ZNF420: variants seen among roughly 807,000 people sequenced by gnomAD.
ZNF420 encodes the protein ATM and p53-associated KZNF protein.
A neutral mutation model predicts 44.7 loss-of-function variants in ZNF420; 31 were observed. That is an observed-to-expected ratio of 0.69 (90% CI 0.52 to 0.94). ZNF420 has a LOEUF of 0.94. ZNF420 is among the 40% of genes least tolerant of loss of function. The probability of loss-of-function intolerance (pLI) is 0.00; values close to 1 mark genes in which losing one functional copy is unlikely to be tolerated. For missense variants in ZNF420, 681 were observed against 827.9 expected (o/e 0.82, Z 2.18); for synonymous variants, 245 against 267.4 (o/e 0.92, Z 0.82).
intron 1 of ZNF420, among the ~76,000 whole-genome samples, chr19:37,059,395 C>T (rs1568433098): frequency 2.0e-5 from 3 of 152,252 alleles, no homozygotes; most frequent in Non-Finnish European, 1.5e-5. Context: ...CGAGCGGATT[C>T]TCACCGTTGT....
intron 1 of ZNF420, among the ~76,000 whole-genome samples, chr19:37,042,634 CAG>C (rs2146412607): frequency 6.6e-6 from 1 of 152,288 alleles, no homozygotes; most frequent in East Asian, 1.9e-4. Flanking sequence ...ATTGTGTGCC[CAG>C]AGGGCATGGA....
At position 37,033,062 on chromosome 19, in the gene ZNF420, C is replaced by T. The variant is rs577787991; in HGVS notation, c.-125+24980C>T. 2.2e-4 allele frequency among the ~76,000 whole-genome samples: 33 copies of T among 152,232 alleles called. 1 individual carries two copies. The highest frequency in any genetic ancestry group is 2.0e-3 in the Admixed American group (31 of 15,302). On this transcript the variant is annotated intron_variant, in intron 1 of 4. Coordinates refer to the ZNF420 transcript ENST00000587029. ...GGTAGAAAGATCAGAGCAGAAGTAG[C>T]ACTTTTGGCACATAGTTATTGGGAT... is the stretch of plus-strand genomic sequence containing the variant.
At chr19:37,107,699 A>G (rs1179297639) in intron 4 of ZNF420, 1 of 152,370 alleles carries the variant, frequency 6.6e-6, no homozygotes, top group Non-Finnish European at 1.5e-5. Context: ...CTGCAGACTA[A>G]CAACAGACAG....
At chr19:37,043,835 G>T (rs573441304) in intron 1 of ZNF420, among the ~76,000 whole-genome samples, 1 of 152,272 alleles carries the variant, frequency 6.6e-6, no homozygotes. Flanking sequence ...ACTGTGGCTT[G>T]TTGGTGGGAG....
chr19:37,060,030 G>A (rs917044304), intron 1 of ZNF420, among the ~76,000 whole-genome samples: 1 of 152,012 alleles, frequency 6.6e-6, no homozygotes, highest in African/African-American at 2.4e-5. Flanking sequence ...CGTCTGCCTG[G>A]GTCACGTGGC....
At chr19:37,098,549 AGTTTT>A (rs1177804922) in intron 4 of ZNF420, among the ~76,000 whole-genome samples, 4 of 152,140 alleles carry the variant, frequency 2.6e-5, no homozygotes, top group African/African-American at 7.2e-5. Context: ...CACTTTTAAA[AGTTTT>A]GTTTTATTTT....
chr19:37,060,304 C>G (rs936141969), intron 1 of ZNF420, among the ~76,000 whole-genome samples: 4 of 152,158 alleles, frequency 2.6e-5, no homozygotes, highest in Non-Finnish European at 5.9e-5. Flanking sequence ...CACCACGATA[C>G]AATCTTAAAG....
intron 4 of ZNF420, among the ~76,000 whole-genome samples, chr19:37,111,996 G>A (rs1049871675): frequency 1.3e-5 from 2 of 151,964 alleles, no homozygotes; most frequent in East Asian, 1.9e-4. Flanking sequence ...ATTCCAAGGC[G>A]AGAATGAAGG....
chr19:37,095,806 C>T (rs1969419442), intron 4 of ZNF420, among the ~76,000 whole-genome samples: 1 of 152,094 alleles, frequency 6.6e-6, no homozygotes, highest in Non-Finnish European at 1.5e-5. Flanking sequence ...GCCATGTTGG[C>T]CAGGCTGGTC....
chr19:37,014,940 T>C lies in ZNF420; in HGVS notation c.-125+6858T>C, dbSNP rs1254732227. On this transcript the variant is annotated intron_variant, in intron 1 of 4. Transcript: ENST00000587029. ...ACCACAGGATCCCTAAGGATCCCTA[T>C]GATGTATCAGGCCTGCCTAGATAGT... Among the ~76,000 whole-genome samples the C allele has an allele frequency of 1.3e-5, 2 of 152,158 alleles. 1 individual carries two copies. The highest frequency in any genetic ancestry group is 2.9e-5 in the Non-Finnish European group (2 of 68,026).
chr19:37,128,781 G>T lies in ZNF420; in HGVS notation c.1790G>T (p.Ser597Ile), dbSNP rs750745633. The T allele has an allele frequency of 1.9e-6, 3 of 1,613,028 alleles. No individual in the cohort carries two copies. The highest frequency in any genetic ancestry group is 2.5e-6 in the Non-Finnish European group (3 of 1,179,742). Residue 597 changes from serine to isoleucine, a missense_variant, in exon 5 of 5, where the codon AGT (serine) becomes ATT (isoleucine). This residue lies in a region of ZNF420 where 280 missense variants were observed against 338.6 expected (regional missense o/e 0.83). Coordinates refer to ENST00000337995, the MANE Select transcript of ZNF420 (RefSeq NM_144689.5). ...YECKECGKAF[S>I]HGSQLTLHQR... The stretch of plus-strand genomic sequence containing the variant: ...TGCAAGGAGTGTGGCAAGGCCTTTA[G>T]TCATGGCTCTCAGCTTACTCTACAT...
intron 1 of ZNF420, among the ~76,000 whole-genome samples, chr19:37,027,621 A>C (rs1967180894): frequency 6.6e-6 from 1 of 152,160 alleles, no homozygotes; most frequent in African/African-American, 2.4e-5. Context: ...ACTTTTTATA[A>C]TACCATCTGC....
intron 1 of ZNF420, among the ~76,000 whole-genome samples, chr19:37,020,280 A>G (rs1425183056): frequency 6.6e-6 from 1 of 152,020 alleles, no homozygotes; most frequent in African/African-American, 2.4e-5. Flanking sequence ...GCCCAAAAAC[A>G]CAACATAATG....
chr19:37,114,665 C>T (rs1317709268), intron 4 of ZNF420, among the ~76,000 whole-genome samples: 1 of 152,166 alleles, frequency 6.6e-6, no homozygotes, highest in South Asian at 2.1e-4. Context: ...GGCTCTGCTA[C>T]ATATTTACAA....
intron 4 of ZNF420, among the ~76,000 whole-genome samples, chr19:37,114,497 C>T (rs1289565276): frequency 1.3e-5 from 2 of 152,254 alleles, no homozygotes; most frequent in Non-Finnish European, 2.9e-5. Flanking sequence ...TGTAATGTTA[C>T]AGGCATCTGA....
intron 1 of ZNF420, among the ~76,000 whole-genome samples, chr19:37,030,371 C>T (rs565324928): frequency 3.6e-4 from 55 of 152,318 alleles, no homozygotes; most frequent in African/African-American, 9.6e-4. Context: ...CCGTGTTAGC[C>T]AGGCTGGTCT....
chr19:37,121,582 C>G (rs973754315), intron 4 of ZNF420, among the ~76,000 whole-genome samples: 3 of 151,990 alleles, frequency 2.0e-5, no homozygotes, highest in African/African-American at 7.3e-5. Context: ...CTTCATGTCT[C>G]AAACACCAAA....
upstream of ZNF420, among the ~76,000 whole-genome samples, chr19:37,076,662 T>G (rs1968162357): frequency 6.6e-6 from 1 of 152,200 alleles, no homozygotes; most frequent in Non-Finnish European, 1.5e-5. Context: ...CTAAGAATGA[T>G]GGTTTCCAGC....
intron 4 of ZNF420, among the ~76,000 whole-genome samples, chr19:37,116,763 C>T (rs909018386): frequency 1.3e-4 from 20 of 152,262 alleles, no homozygotes; most frequent in African/African-American, 3.4e-4. Context: ...CCTAATACTG[C>T]GCTTTTCCAA....
Sources: allele counts gnomAD v4.1 joint callset (sites outside exome capture counted in the v4.1 genomes callset), GRCh38; gene constraint gnomAD v4.1.1; regional missense constraint gnomAD v4.1.1; transcripts MANE v1.5; gene names NCBI Gene and HGNC (gene_info 2026-07-23, HGNC 2026-07-21).